The following DNAJC24 variants were observed in gnomAD, a reference collection of about 807,000 sequenced individuals.
The protein encoded by DNAJC24 is DnaJ heat shock protein family (Hsp40) member C24.
Under a neutral mutation model 18.0 loss-of-function variants are expected in DNAJC24, and 17 were observed. The observed-to-expected ratio is 0.94, with a 90% CI of 0.65 to 1.42. The LOEUF (loss-of-function observed/expected upper bound fraction) is 1.42, where lower values mean the gene tolerates loss of function less well. Ranked by LOEUF, DNAJC24 falls within the 40% of genes most tolerant of loss-of-function variation. The probability of loss-of-function intolerance (pLI) is 0.00; values close to 1 mark genes in which losing one functional copy is unlikely to be tolerated. For missense variants in DNAJC24, 158 were observed against 175.6 expected (o/e 0.90, Z 0.57); for synonymous variants, 55 against 57.7 (o/e 0.95, Z 0.21).
At position 31,373,062 on chromosome 11, in the gene DNAJC24, G is replaced by GT. The variant is rs531282453; in HGVS notation, c.111+2212dup. On this transcript the variant is annotated intron_variant, in intron 2 of 4. Transcript: ENST00000465995. ...TTTGTATAATTTTCTTTTATGAAGT[G>GT]TTTTTTTTTAAATTAAATATATTCT... is the stretch of plus-strand genomic sequence containing the variant. 3.7e-4 allele frequency among the ~76,000 whole-genome samples: 48 copies of GT among 130,910 alleles called. 10 individuals are homozygous for GT. The South Asian group carries it at 5.6e-3, about 15-fold the overall frequency. 85.9% of individuals were successfully genotyped at this position (130,910 alleles called of 152,430 possible).
At chr11:31,379,197 A>C (rs1952350071) in intron 2 of DNAJC24, among the ~76,000 whole-genome samples, 1 of 152,178 alleles carries the variant, frequency 6.6e-6, no homozygotes, top group Admixed American at 6.6e-5. Context: ...CAGGCCATGC[A>C]GCAGGTGGTG....
At chr11:31,419,260 A>C (rs1238745329) in intron 3 of DNAJC24, among the ~76,000 whole-genome samples, 13 of 152,062 alleles carry the variant, frequency 8.5e-5, no homozygotes, top group Non-Finnish European at 1.8e-4. Flanking sequence ...GAAGATAAGC[A>C]TCGGGGGGTA....
At chr11:31,400,864 C>T (rs540160856) in intron 2 of DNAJC24, among the ~76,000 whole-genome samples, 1 of 152,186 alleles carries the variant, frequency 6.6e-6, no homozygotes, top group East Asian at 1.9e-4. Flanking sequence ...CAACACAAGC[C>T]AAAATTGACA....
chr11:31,415,080 C>T lies in DNAJC24; in HGVS notation c.250+131C>T, dbSNP rs1338368847. ...TTGCCTTTATTCCTCCCCTCCATCA[C>T]TGTTTTTAATTATGCCCTATTCTTA... On this transcript the variant is annotated intron_variant, in intron 3 of 4. Transcript: ENST00000465995. 1.4e-5 allele frequency: 14 copies of T among 994,678 alleles called. No homozygotes were observed. In the African/African-American group the frequency reaches 2.3e-4, roughly 16 times the overall value. 61.6% of individuals were successfully genotyped at this position (994,678 alleles called of 1,614,324 possible).
chr11:31,390,495 C>G (rs1952482773), intron 2 of DNAJC24, among the ~76,000 whole-genome samples: 1 of 150,702 alleles, frequency 6.6e-6, no homozygotes, highest in Non-Finnish European at 1.5e-5. Context: ...ATCACAAGGT[C>G]AAGAGATCGA....
chr11:31,386,042 C>T (rs1952427135), intron 2 of DNAJC24, among the ~76,000 whole-genome samples: 1 of 152,166 alleles, frequency 6.6e-6, no homozygotes, highest in Non-Finnish European at 1.5e-5. Flanking sequence ...CCACAAAGAG[C>T]ATTTAGATCA....
intron 2 of DNAJC24, among the ~76,000 whole-genome samples, chr11:31,412,549 G>C (rs533583182): frequency 6.6e-6 from 1 of 152,244 alleles, no homozygotes; most frequent in East Asian, 1.9e-4. Flanking sequence ...TTGGCTTAGG[G>C]ATATTGCCTT....
intron 2 of DNAJC24, among the ~76,000 whole-genome samples, chr11:31,382,502 A>G (rs939698290): frequency 1.3e-5 from 2 of 152,240 alleles, no homozygotes; most frequent in Admixed American, 1.3e-4. Context: ...ATGACATTAT[A>G]CTAATTTAAC....
At chr11:31,426,254 T>G in intron 3 of DNAJC24, 33 bp from the exon 4 acceptor site, 1 of 1,355,004 alleles carries the variant, frequency 7.4e-7, no homozygotes, top group South Asian at 1.3e-5. Context: ...GTATCATGTT[T>G]TACAATTAAG....
intron 2 of DNAJC24, among the ~76,000 whole-genome samples, chr11:31,403,248 C>A (rs1952620440): frequency 6.6e-6 from 1 of 151,794 alleles, no homozygotes; most frequent in African/African-American, 2.4e-5. Flanking sequence ...TCAGGTTCAC[C>A]AAAGCCAAAC....
intron 2 of DNAJC24, among the ~76,000 whole-genome samples, chr11:31,396,955 C>A (rs1275799204): frequency 1.3e-5 from 2 of 152,148 alleles, no homozygotes; most frequent in African/African-American, 4.8e-5. Context: ...CTTCCCTCTC[C>A]CTGGAATACC....
chr11:31,385,142 T>C (rs1199671037), intron 2 of DNAJC24: 2 of 152,172 alleles, frequency 1.3e-5, no homozygotes, highest in Non-Finnish European at 2.9e-5. Flanking sequence ...AGATTCTTCA[T>C]ATCGGGTTTT....
Position 31,370,764 on chromosome 11 carries a change from C to T in DNAJC24, c.16C>T (p.Gln6Ter), listed in dbSNP as rs761121050. 2 of 1,608,408 alleles carry T rather than the reference C, an allele frequency of 1.2e-6. No homozygotes were observed. Among genetic ancestry groups the T allele is most frequent in the East Asian group, 4.5e-5 (2 of 44,680 alleles). The part of the protein sequence containing the change: MMAVE[Q>*]MPKKDWYSIL... The stretch of plus-strand genomic sequence containing the variant: ...GGTTCCATGGATGATGGCGGTTGAG[C>T]AGATGCCAAAAAAGGATTGGTACAG... The change falls in exon 2 of 5, where the codon CAG (glutamine) becomes TAG (stop). Residue 6 changes from glutamine (Q) to a stop codon, truncating the protein, a stop_gained. Coordinates refer to ENST00000465995, the MANE Select transcript of DNAJC24 (RefSeq NM_181706.5). LOFTEE classifies it high-confidence loss of function.
intron 3 of DNAJC24, among the ~76,000 whole-genome samples, chr11:31,425,265 C>G (rs1284830096): frequency 6.6e-6 from 1 of 152,038 alleles, no homozygotes; most frequent in Non-Finnish European, 1.5e-5. Context: ...AATAAGTATT[C>G]TTTTAAGTTA....
intron 2 of DNAJC24, among the ~76,000 whole-genome samples, chr11:31,409,888 C>CT (rs34773636): frequency 0.1 from 14,310 of 137,544 alleles, 2,024 homozygotes; most frequent in African/African-American, 0.32. Context: ...TTTTCTTTTT[C>CT]TTTTTTTTTT....
chr11:31,398,043 C>T (rs902814371), intron 2 of DNAJC24, among the ~76,000 whole-genome samples: 5 of 152,132 alleles, frequency 3.3e-5, no homozygotes, highest in African/African-American at 7.2e-5. Flanking sequence ...CCTCATGATC[C>T]TCCTGCCTCG....
chr11:31,407,706 A>AATATATATATAT (rs869293205), intron 2 of DNAJC24, among the ~76,000 whole-genome samples: 33 of 61,692 alleles, frequency 5.3e-4, no homozygotes, highest in South Asian at 4.0e-3. Context: ...AAAAAAAAAA[A>AATATATATATAT]ATATATATAT....
At chr11:31,409,946 A>G in intron 2 of DNAJC24, among the ~76,000 whole-genome samples, 1 of 147,812 alleles carries the variant, frequency 6.8e-6, no homozygotes, top group African/African-American at 2.5e-5. Flanking sequence ...GTGCAGTGGC[A>G]TCATCTCCGC....
At position 31,375,083 on chromosome 11, in the gene DNAJC24, G is replaced by T. The variant is rs1019267900; in HGVS notation, c.111+4224G>T. On this transcript the variant is annotated intron_variant, in intron 2 of 4. Coordinates refer to ENST00000465995, the MANE Select transcript of DNAJC24 (RefSeq NM_181706.5). ...AATCTTAGCTACTTGTGAGGCTGAAGCAGGAGGATTGCTTGAGCCCAGGAG... is the reference window on the plus strand; with the variant it reads ...AATCTTAGCTACTTGTGAGGCTGAATCAGGAGGATTGCTTGAGCCCAGGAG... Among the ~76,000 whole-genome samples, 60 of 135,458 alleles carry T rather than the reference G, an allele frequency of 4.4e-4. 4 individuals carry two copies. The highest frequency in any genetic ancestry group is 1.5e-3 in the African/African-American group (60 of 40,298). 88.9% of individuals were successfully genotyped at this position (135,458 alleles called of 152,430 possible). A position where few individuals can be genotyped will look rare whatever the true frequency, so the allele number is the denominator to read the frequency against.
Sources: allele counts gnomAD v4.1 joint callset (sites outside exome capture counted in the v4.1 genomes callset), GRCh38; gene constraint gnomAD v4.1.1; transcripts MANE v1.5; gene names NCBI Gene and HGNC (gene_info 2026-07-23, HGNC 2026-07-21).